Variants in CCNY observed in about 807,000 individuals in gnomAD.
CCNY encodes cyclin-Y.
In CCNY, 19 loss-of-function variants were observed where a neutral mutation model predicts 42.8. The ratio of observed to expected loss-of-function variants is 0.44; its 90% confidence interval spans 0.31 to 0.65. The LOEUF (loss-of-function observed/expected upper bound fraction) is 0.65. CCNY is among the 30% of genes least tolerant of loss of function. The pLI, the probability that CCNY is intolerant of heterozygous loss-of-function variation, is 0.07. For missense variants in CCNY, 370 were observed against 437.3 expected (o/e 0.85, Z 1.37); for synonymous variants, 165 against 162.7 (o/e 1.01, Z -0.11).
chr10:35,395,777 T>G (rs1837511417), intron 1 of CCNY, among the ~76,000 whole-genome samples: 2 of 152,204 alleles, frequency 1.3e-5, no homozygotes, highest in Non-Finnish European at 2.9e-5. Context: ...TTAGGTCCTG[T>G]GCACTGTCTT....
At chr10:35,438,561 A>T (rs1838594689) in intron 1 of CCNY, among the ~76,000 whole-genome samples, 1 of 152,132 alleles carries the variant, frequency 6.6e-6, no homozygotes, top group Non-Finnish European at 1.5e-5. Flanking sequence ...TTTCACTATT[A>T]TTCAGTGAAT....
chr10:35,552,012 C>T (rs1329351378), intron 7 of CCNY, among the ~76,000 whole-genome samples: 1 of 152,194 alleles, frequency 6.6e-6, no homozygotes, highest in Non-Finnish European at 1.5e-5. Context: ...AGCAATTCCA[C>T]CTCTGGGTAT....
At chr10:35,377,241 T>G (rs2135185890) in intron 1 of CCNY, among the ~76,000 whole-genome samples, 1 of 152,328 alleles carries the variant, frequency 6.6e-6, no homozygotes, top group African/African-American at 2.4e-5. Flanking sequence ...GCCTTCACAT[T>G]GACTCAGCAC....
intron 1 of CCNY, chr10:35,434,287 G>T (rs186248898): frequency 6.6e-6 from 1 of 152,198 alleles, no homozygotes; most frequent in African/African-American, 2.4e-5. Flanking sequence ...CTGAAATGGG[G>T]ATTTGGGTGT....
chr10:35,320,403 A>G (rs1264359896), intron 3 of CCNY, among the ~76,000 whole-genome samples: 2 of 152,220 alleles, frequency 1.3e-5, no homozygotes, highest in African/African-American at 4.8e-5. Flanking sequence ...AAAAATAACA[A>G]AATTCGCCAT....
chr10:35,464,563 C>CTTTT (rs113364772), intron 1 of CCNY, among the ~76,000 whole-genome samples: 1 of 143,818 alleles, frequency 7.0e-6, no homozygotes, highest in African/African-American at 2.5e-5. Context: ...GCCCAGTATG[C>CTTTT]TTTTTTTTTT....
upstream of CCNY, among the ~76,000 whole-genome samples, chr10:35,332,659 C>G (rs1835959410): frequency 6.6e-6 from 1 of 152,190 alleles, no homozygotes; most frequent in Admixed American, 6.5e-5. Context: ...GGCTGGAGTG[C>G]AGTGGCACGA....
At chr10:35,483,266 C>T in intron 1 of CCNY, 138 bp from the exon 2 acceptor site, 2 of 637,230 alleles carry the variant, frequency 3.1e-6, no homozygotes, top group Non-Finnish European at 5.6e-6. Flanking sequence ...CCAAAAGAAT[C>T]TATTAACATA....
chr10:35,462,804 T>C (rs1589136550), intron 1 of CCNY, among the ~76,000 whole-genome samples: 1 of 152,324 alleles, frequency 6.6e-6, no homozygotes, highest in South Asian at 2.1e-4. Context: ...GTGTGGGTGG[T>C]GCCCCTGTCA....
chr10:35,568,463 T>C (rs549326475), intron 9 of CCNY, among the ~76,000 whole-genome samples: 1 of 152,332 alleles, frequency 6.6e-6, no homozygotes, highest in South Asian at 2.1e-4. Flanking sequence ...CCCGTCCTTA[T>C]CACCAAAGTG....
intron 1 of CCNY, among the ~76,000 whole-genome samples, chr10:35,366,959 A>G (rs1836822344): frequency 6.6e-6 from 1 of 152,232 alleles, no homozygotes; most frequent in South Asian, 2.1e-4. Context: ...TGGAATGCCA[A>G]TTTAAGTGTG....
chr10:35,408,344 A>G (rs12243667), intron 1 of CCNY, among the ~76,000 whole-genome samples: 1 of 152,322 alleles, frequency 6.6e-6, no homozygotes, highest in East Asian at 1.9e-4. Flanking sequence ...TGTGTGAGCA[A>G]CAAGGCTGTT....
At chr10:35,547,120 A>T (rs1841131711) in intron 7 of CCNY, among the ~76,000 whole-genome samples, 1 of 152,180 alleles carries the variant, frequency 6.6e-6, no homozygotes, top group African/African-American at 2.4e-5. Context: ...TAAAATACGC[A>T]GCCTGGGGCC....
At chr10:35,254,464 C>G (rs888971363) in intron 3 of CCNY, among the ~76,000 whole-genome samples, 1 of 152,072 alleles carries the variant, frequency 6.6e-6, no homozygotes, top group African/African-American at 2.4e-5. Flanking sequence ...GTGATGAATG[C>G]CTAGTCTGGT....
intron 1 of CCNY, among the ~76,000 whole-genome samples, chr10:35,399,029 C>T (rs1282793342): frequency 6.6e-6 from 1 of 152,206 alleles, no homozygotes; most frequent in Non-Finnish European, 1.5e-5. Flanking sequence ...GTAGCAGACT[C>T]GCTGCAGAAA....
At chr10:35,443,252 T>A (rs1048575874) in intron 1 of CCNY, among the ~76,000 whole-genome samples, 2 of 152,222 alleles carry the variant, frequency 1.3e-5, no homozygotes, top group South Asian at 4.1e-4. Context: ...AAAATATTTT[T>A]CTTCACTAAT....
intron 1 of CCNY, among the ~76,000 whole-genome samples, chr10:35,450,729 G>A (rs755363564): frequency 6.6e-6 from 1 of 150,916 alleles, no homozygotes; most frequent in Non-Finnish European, 1.5e-5. Context: ...TACCTTTTGT[G>A]TATCAGTATT....
chr10:35,566,153 C>T lies in CCNY; in HGVS notation c.877C>T (p.Pro293Ser). The change falls in exon 9 of 10, where the codon CCC (proline) becomes TCC (serine). Residue 293 changes from proline (P) to serine (S), a missense_variant. Coordinates refer to ENST00000374704, the MANE Select transcript of CCNY (RefSeq NM_145012.6). ...EANNLSFPLE[P>S]LSRERAHKLE... ...GAACAACCTGAGCTTTCCCTTGGAG[C>T]CCCTGAGCAGGGAGAGGGCTCACAA... 2 of 1,614,124 alleles carry T rather than the reference C, an allele frequency of 1.2e-6. No homozygotes were observed. The highest frequency in any genetic ancestry group is 1.7e-4 in the Middle Eastern group (1 of 6,060).
At chr10:35,257,208 C>A (rs569743221) in intron 3 of CCNY, among the ~76,000 whole-genome samples, 6 of 140,508 alleles carry the variant, frequency 4.3e-5, no homozygotes, top group Non-Finnish European at 7.6e-5. Context: ...TTTTTCTTTT[C>A]TTTTCTCCTC....
Sources: allele counts gnomAD v4.1 joint callset (sites outside exome capture counted in the v4.1 genomes callset), GRCh38; gene constraint gnomAD v4.1.1; transcripts MANE v1.5; gene names NCBI Gene and HGNC (gene_info 2026-07-23, HGNC 2026-07-21).